RSPH1: variants seen among roughly 807,000 people sequenced by gnomAD.
RSPH1 encodes radial spoke head component 1.
In RSPH1, 32 loss-of-function variants were observed where a neutral mutation model predicts 44.2. The observed-to-expected ratio is 0.72, with a 90% CI of 0.55 to 0.97. The LOEUF is 0.97. Among genes scored for constraint, RSPH1 ranks in the 50% least tolerant of loss-of-function variants. The pLI is 0.00. For missense variants in RSPH1, 391 were observed against 398.7 expected (o/e 0.98, Z 0.16); for synonymous variants, 134 against 147.3 (o/e 0.91, Z 0.65).
chr21:42,488,356 C>G (rs934758795), intron 3 of RSPH1, among the ~76,000 whole-genome samples: 51 of 152,184 alleles, frequency 3.4e-4, no homozygotes, highest in African/African-American at 1.2e-3. Flanking sequence ...CACACCGCGG[C>G]CAATTTCAAG....
chr21:42,477,553 G>A, intron 6 of RSPH1, 109 bp from the exon 7 acceptor site: 1 of 1,167,232 alleles, frequency 8.6e-7, no homozygotes, highest in Non-Finnish European at 1.2e-6. Context: ...TTTGGCTTGT[G>A]TTTCAGCCTT....
At chr21:42,476,113 G>C in intron 7 of RSPH1, 66 bp from the exon 8 acceptor site, 1 of 1,563,514 alleles carries the variant, frequency 6.4e-7, no homozygotes, top group East Asian at 2.3e-5. Flanking sequence ...ACCTGTGCAG[G>C]GCAGCTGTCC....
At chr21:42,481,008 G>A (rs1439698104) in intron 6 of RSPH1, among the ~76,000 whole-genome samples, 1 of 152,166 alleles carries the variant, frequency 6.6e-6, no homozygotes, top group Non-Finnish European at 1.5e-5. Flanking sequence ...AGGTGACTTG[G>A]CTCAGGTTGT....
intron 6 of RSPH1, among the ~76,000 whole-genome samples, chr21:42,478,605 G>A (rs1033836762): frequency 6.8e-4 from 104 of 152,310 alleles, no homozygotes; most frequent in African/African-American, 2.0e-3. Flanking sequence ...TGGTGGGAAC[G>A]TAAAATGCTG....
In RSPH1 at chr21:42,476,034, G is replaced by C. The variant is rs142166675; in HGVS notation, c.741C>G (p.Pro247=). The change falls in exon 8 of 9, where the codon CCC becomes CCG. Residue 247 remains proline (P), a synonymous_variant. Transcript: ENST00000291536. ...CCAGCAGAGCCTGGGCCTCCTCCCCGGGTTCTCCTGCACCTGAGATAAAAC... is the reference window on the plus strand; with the variant it reads ...CCAGCAGAGCCTGGGCCTCCTCCCCCGGTTCTCCTGCACCTGAGATAAAAC... The part of the protein sequence containing the change: ...DAPGAESAGE[P]GEEAQALLEG... 7 of 1,613,290 alleles carry C rather than the reference G, an allele frequency of 4.3e-6. No individual in the cohort carries two copies. Among genetic ancestry groups the C allele is most frequent in the African/African-American group, 1.3e-5 (1 of 74,726 alleles).
rs114562795 is a variant in RSPH1, at chr21:42,489,920, C to T, written c.274+2838G>A. Among the ~76,000 whole-genome samples, 941 of 152,310 alleles carry T rather than the reference C, an allele frequency of 6.2e-3. 7 individuals are homozygous for T. Among genetic ancestry groups the T allele is most frequent in the African/African-American group, 0.022 (903 of 41,566 alleles). On this transcript the variant is annotated intron_variant, in intron 3 of 8. Transcript: ENST00000291536. ...TCCAAAAAACCCAGGTTCAAGTTAT[C>T]ATGTCATTCTTCTTTCTCCACAATG... is the stretch of plus-strand genomic sequence containing the variant.
At position 42,496,141 on chromosome 21, in the gene RSPH1, C is replaced by A. The variant is rs756933981; in HGVS notation, c.46G>T (p.Asp16Tyr). 6.2e-7 allele frequency: 1 copy of A among 1,614,190 alleles called. No homozygotes were observed. The highest frequency in any genetic ancestry group is 8.5e-7 in the Non-Finnish European group (1 of 1,180,012). Residue 16 changes from aspartate to tyrosine, a missense_variant, in exon 1 of 9, where the codon GAT becomes TAT. Transcript: ENST00000291536. ...TCACCAGGAGCTCTCACCCCAATAT[C>A]ATTCTCTCCCTCCTCCTCCAACTCC... ...SEELEEEGEN[D>Y]IGEYEGGRNE... is the part of the protein sequence containing the mutation.
chr21:42,485,893 GC>G, intron 4 of RSPH1, 89 bp from the exon 5 acceptor site: 1 of 1,539,760 alleles, frequency 6.5e-7, no homozygotes, highest in Non-Finnish European at 8.9e-7. Context: ...ATTGAGGGAG[GC>G]CCAGGCTGTT....
chr21:42,478,059 G>C (rs538097905), intron 6 of RSPH1, among the ~76,000 whole-genome samples: 3 of 152,342 alleles, frequency 2.0e-5, no homozygotes, highest in African/African-American at 7.2e-5. Context: ...AGCAGAATGA[G>C]AGTTCATCAA....
chr21:42,486,714 A>G (rs1457958328), intron 3 of RSPH1, among the ~76,000 whole-genome samples: 2 of 152,152 alleles, frequency 1.3e-5, no homozygotes, highest in South Asian at 2.1e-4. Context: ...ATAGGTGCTG[A>G]GCCACGGTGG....
chr21:42,477,383 G>A lies in RSPH1; in HGVS notation c.635C>T (p.Thr212Ile), dbSNP rs771875847. The change falls in exon 7 of 9, where the codon ACC (threonine) becomes ATC (isoleucine). Residue 212 changes from threonine to isoleucine, a missense_variant. Physicochemically the swap from Thr to Ile is moderately conservative, Grantham distance 89. Transcript: ENST00000291536. ...LVTVVPKWKATQITELALWTP... is the reference protein window; with the variant it reads ...LVTVVPKWKAIQITELALWTP... ...CCACAGGGCCAATTCAGTGATTTGG[G>A]TAGCTTTCCATTTTGGAACAACAGT... 97 of 1,612,666 alleles carry A rather than the reference G, an allele frequency of 6.0e-5. No homozygotes were observed. The highest frequency in any genetic ancestry group is 4.5e-4 in the South Asian group (41 of 91,040).
intron 1 of RSPH1, 23 bp downstream of exon 1, chr21:42,496,110 C>A (rs2096063661): frequency 1.2e-6 from 2 of 1,613,786 alleles, no homozygotes; most frequent in Non-Finnish European, 1.7e-6. Context: ...CCTGGGAAGC[C>A]CTTTCTCACC....
At position 42,492,825 on chromosome 21, in the gene RSPH1, T is replaced by C; in HGVS notation, c.207A>G (p.Gly69=). ...YKFKNGARYI[G]EYVRNKKHGQ... ...CGTGCTTTTTATTTCTAACATATTCTCCGATATATCGAGCACCATTTTTAA... is the reference window on the plus strand; with the variant it reads ...CGTGCTTTTTATTTCTAACATATTCCCCGATATATCGAGCACCATTTTTAA... The change falls in exon 3 of 9, where the codon GGA becomes GGG. Residue 69 remains glycine (G), a synonymous_variant. Transcript: ENST00000291536. 6.2e-7 allele frequency: 1 copy of C among 1,613,532 alleles called. No homozygotes were observed. The highest frequency in any genetic ancestry group is 8.5e-7 in the Non-Finnish European group (1 of 1,179,432).
chr21:42,478,121 G>A (rs2054088955), intron 6 of RSPH1, among the ~76,000 whole-genome samples: 1 of 152,228 alleles, frequency 6.6e-6, no homozygotes, highest in East Asian at 1.9e-4. Flanking sequence ...CGACAATGGT[G>A]AGCAGCCAAC....
At chr21:42,485,628 T>G (rs753222391) in intron 5 of RSPH1, 41 bp downstream of exon 5, 2 of 1,613,010 alleles carry the variant, frequency 1.2e-6, no homozygotes, top group East Asian at 4.5e-5. Context: ...GAGGGGGTTA[T>G]TTTGTACTTC....
In RSPH1 at chr21:42,474,439, T is replaced by A. The variant is rs2054023127; in HGVS notation, c.877+1459A>T. On this transcript the variant is annotated intron_variant, in intron 8 of 8. Transcript: ENST00000291536. The surrounding 1 kb of genome is among the most constrained non-coding windows in gnomAD (Gnocchi z 5.2). ...GCAGGGAACTCACTGATTCCTTTAT[T>A]CCAGCTTCCCATTAGGTGCTAGAGG... Among the ~76,000 whole-genome samples the A allele has an allele frequency of 6.6e-6, 1 of 152,198 alleles. No individual in the cohort carries two copies. Among genetic ancestry groups the A allele is most frequent in the South Asian group, 2.1e-4 (1 of 4,826 alleles).
In RSPH1 at chr21:42,474,108, G is replaced by A. The variant is rs1051873964; in HGVS notation, c.878-1238C>T. On this transcript the variant is annotated intron_variant, in intron 8 of 8. Transcript: ENST00000291536. This position sits in a 1 kb window ranked among gnomAD's most constrained non-coding sequence, Gnocchi z 5.2. ...GGCCTCCTGCCTTGCCTGGCTCCAG[G>A]GCACCCATCCTCATTGCCCCAGAGA... Among the ~76,000 whole-genome samples, 5 of 152,098 alleles carry A rather than the reference G, an allele frequency of 3.3e-5. No individual in the cohort carries two copies. The highest frequency in any genetic ancestry group is 2.0e-4 in the Admixed American group (3 of 15,274).
chr21:42,486,462 C>T lies in RSPH1; in HGVS notation c.275-1G>A. 1 of 1,612,210 alleles carries T rather than the reference C, an allele frequency of 6.2e-7. No homozygotes were observed. The highest frequency in any genetic ancestry group is 1.1e-5 in the South Asian group (1 of 91,034). ...TGCCGCAGGTCATTTGCCCACTCTC[C>T]TGAAAGGAACAACACAAAGGCAAGC... On this transcript the variant is annotated splice_acceptor_variant, in intron 3 of 8. Coordinates refer to ENST00000291536, the MANE Select transcript of RSPH1 (RefSeq NM_080860.4). LOFTEE classifies it high-confidence loss of function.
chr21:42,475,056 T>C (rs1465776819), intron 8 of RSPH1, among the ~76,000 whole-genome samples: 1 of 152,050 alleles, frequency 6.6e-6, no homozygotes, highest in Non-Finnish European at 1.5e-5. Flanking sequence ...ATGTGAAAAG[T>C]GCGTTAAGGG....
Sources: allele counts gnomAD v4.1 joint callset (sites outside exome capture counted in the v4.1 genomes callset), GRCh38; gene constraint gnomAD v4.1.1; non-coding constraint Gnocchi (gnomAD v3.1); transcripts MANE v1.5; gene names NCBI Gene and HGNC (gene_info 2026-07-23, HGNC 2026-07-21).